The following STRADA variants were observed in gnomAD, a reference collection of about 807,000 sequenced individuals.
STRADA encodes STE20-related kinase adapter protein alpha.
A neutral mutation model predicts 55.0 loss-of-function variants in STRADA; 26 were observed. That is an observed-to-expected ratio of 0.47 (90% CI 0.35 to 0.66). The LOEUF (loss-of-function observed/expected upper bound fraction) is 0.66, where lower values mean the gene tolerates loss of function less well. Ranked by LOEUF, STRADA falls within the 30% of genes least tolerant of loss-of-function variation. STRADA has a pLI of 0.01. For synonymous variants in STRADA, 197 were observed against 210.9 expected (o/e 0.93, Z 0.57); for missense variants, 443 against 549.7 (o/e 0.81, Z 1.94).
Position 63,708,222 on chromosome 17 carries a change from CAG to C in STRADA, c.582-806_582-805del, listed in dbSNP as rs200819831. On this transcript the variant is annotated intron_variant, in intron 8 of 12. Coordinates refer to ENST00000336174, the MANE Select transcript of STRADA (RefSeq NM_001003787.4). Reference sequence around the variant, plus strand: ...GTTCTTGTTGTTGTTGTTGTTGAGACAGAGTCTCACTCTGTCGCCCAGGCTGG... The same window carrying C: ...GTTCTTGTTGTTGTTGTTGTTGAGACAGTCTCACTCTGTCGCCCAGGCTGG... Among the ~76,000 whole-genome samples the C allele has an allele frequency of 6.8e-3, 1,026 of 151,862 alleles. 10 individuals carry two copies. The highest frequency in any genetic ancestry group is 0.023 in the African/African-American group (944 of 41,382).
chr17:63,735,813 GAAAC>G (rs533040396), intron 1 of STRADA, among the ~76,000 whole-genome samples: 25 of 152,296 alleles, frequency 1.6e-4, no homozygotes, highest in Non-Finnish European at 3.1e-4. Flanking sequence ...AAGGGGTTCT[GAAAC>G]AAAACTGCGC....
Position 63,706,757 on chromosome 17 carries a change from G to A in STRADA, c.754-18C>T. On this transcript the variant is annotated intron_variant, in intron 9 of 12. Transcript: ENST00000336174. ...TGGAGATTCTAAGCCAGAAAAAAAA[G>A]GCCACAGATTACCCCATTTGGTCTT... 1.3e-6 allele frequency: 2 copies of A among 1,584,708 alleles called. No individual in the cohort carries two copies. Among genetic ancestry groups the A allele is most frequent in the Non-Finnish European group, 1.7e-6 (2 of 1,154,588 alleles).
intron 8 of STRADA, among the ~76,000 whole-genome samples, chr17:63,709,100 C>A (rs150459405): frequency 6.6e-6 from 1 of 152,220 alleles, no homozygotes; most frequent in African/African-American, 2.4e-5. Context: ...AACCAACACA[C>A]GTGTGAATGG....
chr17:63,706,968 C>A (rs529371708), intron 9 of STRADA, among the ~76,000 whole-genome samples: 1 of 152,318 alleles, frequency 6.6e-6, no homozygotes, highest in East Asian at 1.9e-4. Context: ...GCACAGGGAT[C>A]CAGAGAGCAG....
chr17:63,725,222 ACT>A (rs1247712513), intron 3 of STRADA, among the ~76,000 whole-genome samples: 4 of 152,046 alleles, frequency 2.6e-5, no homozygotes, highest in African/African-American at 9.7e-5. Flanking sequence ...ACAGAGCGAG[ACT>A]CTGTCTCAAA....
Position 63,706,635 on chromosome 17 carries a change from C to T in STRADA, c.858G>A (p.Gln286=), listed in dbSNP as rs1239122013. ...HVPFKDMPAT[Q]MLLEKLNGTV... ...GGAAACCGATGGGCGGCAGGCTTAC[C>T]TGGGTGGCAGGCATATCCTTAAAGG... Residue 286 remains glutamine (Q), a splice_region_variant and synonymous_variant, in exon 10 of 13, where the codon CAG becomes CAA. Transcript: ENST00000336174. 3.1e-6 allele frequency: 5 copies of T among 1,611,290 alleles called. No individual in the cohort carries two copies. The highest frequency in any genetic ancestry group is 4.2e-6 in the Non-Finnish European group (5 of 1,178,260).
chr17:63,708,050 T>G (rs2036236513), intron 8 of STRADA, among the ~76,000 whole-genome samples: 1 of 152,026 alleles, frequency 6.6e-6, no homozygotes, highest in African/African-American at 2.4e-5. Flanking sequence ...CCAACTAATT[T>G]TTATATTTTT....
In STRADA at chr17:63,706,672, T is replaced by G. The variant is rs754353231; in HGVS notation, c.821A>C (p.Asn274Thr). 19 of 1,614,070 alleles carry G rather than the reference T, an allele frequency of 1.2e-5. No individual in the cohort carries two copies. Among genetic ancestry groups the G allele is most frequent in the Non-Finnish European group, 1.5e-5 (18 of 1,179,924 alleles). ...SVGITACELA[N>T]GHVPFKDMPA... ...CATATCCTTAAAGGGGACATGGCCG[T>G]TGGCCAGTTCACAGGCTGTGATTCC... Residue 274 changes from asparagine (N) to threonine (T), a missense_variant, in exon 10 of 13, where the codon AAC becomes ACC. Physicochemically the swap from Asn to Thr is moderately conservative, Grantham distance 65 (BLOSUM62 0). Transcript: ENST00000336174.
chr17:63,714,152 G>A, intron 4 of STRADA, 44 bp from the exon 5 acceptor site: 2 of 1,495,946 alleles, frequency 1.3e-6, no homozygotes, highest in East Asian at 2.3e-5. Flanking sequence ...AAAACTGGGG[G>A]TGGGATGGGA....
intron 1 of STRADA, among the ~76,000 whole-genome samples, chr17:63,733,365 T>A (rs1164625697): frequency 2.0e-5 from 3 of 151,976 alleles, no homozygotes; most frequent in Non-Finnish European, 4.4e-5. Flanking sequence ...CTTTTTTTTT[T>A]ATTTCCTTTT....
At chr17:63,706,422 C>CCT in intron 10 of STRADA, 1 of 518,922 alleles carries the variant, frequency 1.9e-6, no homozygotes, top group South Asian at 3.3e-5. Flanking sequence ...CCCGGGCTCC[C>CCT]CTCCCCAAGC....
In STRADA at chr17:63,713,997, T is replaced by C; in HGVS notation, c.226+9A>G. 6.2e-7 allele frequency: 1 copy of C among 1,612,046 alleles called. No homozygotes were observed. The highest frequency in any genetic ancestry group is 8.5e-7 in the Non-Finnish European group (1 of 1,178,222). On this transcript the variant is annotated intron_variant, in intron 5 of 12. Transcript: ENST00000336174. ...AAAGCAGGAGAGTAAGGACGGCCCCTGCACATACCTATCACAGTGAGCAGC... is the reference window on the plus strand; with the variant it reads ...AAAGCAGGAGAGTAAGGACGGCCCCCGCACATACCTATCACAGTGAGCAGC...
At position 63,713,477 on chromosome 17, in the gene STRADA, T is replaced by C; in HGVS notation, c.277A>G (p.Thr93Ala). 3 of 1,614,196 alleles carry C rather than the reference T, an allele frequency of 1.9e-6. No homozygotes were observed. In the East Asian group the frequency reaches 6.7e-5, roughly 36 times the overall value. The change falls in exon 6 of 13, where the codon ACA becomes GCA. Residue 93 changes from threonine (T) to alanine (A), a missense_variant. Transcript: ENST00000336174. Reference sequence around the variant, plus strand: ...CTCCGTACAGTCACGTACTCTCCTGTTGGTTTGTACCTTGCTAGATTCACA... The same window carrying C: ...CTCCGTACAGTCACGTACTCTCCTGCTGGTTTGTACCTTGCTAGATTCACA... ...MTVNLARYKP[T>A]GEYVTVRRIN...
At chr17:63,710,901 G>A in intron 6 of STRADA, 65 bp from the exon 7 acceptor site, 5 of 1,455,130 alleles carry the variant, frequency 3.4e-6, no homozygotes, top group Non-Finnish European at 4.8e-6. Flanking sequence ...TCAACACAAA[G>A]ATGGCAGCAT....
In STRADA at chr17:63,720,590, C is replaced by T. The variant is rs541694293; in HGVS notation, c.123+2708G>A. Among the ~76,000 whole-genome samples, 23 of 151,362 alleles carry T rather than the reference C, an allele frequency of 1.5e-4. 1 individual carries two copies. In the South Asian group the frequency reaches 4.6e-3, roughly 30 times the overall value. ...GAGATTGAGACCATCCTGGCCAACA[C>T]AGTGAAACCCTGTCTCTACTAAAAC... On this transcript the variant is annotated intron_variant, in intron 4 of 12. Transcript: ENST00000336174.
At chr17:63,716,557 A>G (rs2036900342) in intron 4 of STRADA, among the ~76,000 whole-genome samples, 1 of 152,012 alleles carries the variant, frequency 6.6e-6, no homozygotes, top group Admixed American at 6.6e-5. Flanking sequence ...CCAAGGTGAA[A>G]ATGCCTCTTC....
At chr17:63,713,762 G>T (rs971939766) in intron 5 of STRADA, among the ~76,000 whole-genome samples, 1 of 151,748 alleles carries the variant, frequency 6.6e-6, no homozygotes, top group African/African-American at 2.4e-5. Context: ...ACTCACTATG[G>T]CCAGGACACC....
chr17:63,715,387 A>G (rs2036797390), intron 4 of STRADA: 1 of 152,250 alleles, frequency 6.6e-6, no homozygotes, highest in South Asian at 2.1e-4. Context: ...ACCCAGGCCC[A>G]AACCAGTGAG....
intron 1 of STRADA, among the ~76,000 whole-genome samples, chr17:63,731,101 A>T (rs1329212584): frequency 2.0e-5 from 3 of 150,754 alleles, no homozygotes; most frequent in Non-Finnish European, 4.4e-5. Flanking sequence ...GCGCCACCAC[A>T]CCCTGCTAAG....
Sources: allele counts gnomAD v4.1 joint callset (sites outside exome capture counted in the v4.1 genomes callset), GRCh38; gene constraint gnomAD v4.1.1; transcripts MANE v1.5; gene names NCBI Gene and HGNC (gene_info 2026-07-23, HGNC 2026-07-21).